The following ASTN2 variants were observed in gnomAD, a reference collection of about 807,000 sequenced individuals.
ASTN2 encodes the protein astrotactin-2.
In ASTN2, 54 loss-of-function variants were observed where a neutral mutation model predicts 139.8. The observed-to-expected ratio is 0.39, with a 90% CI of 0.31 to 0.48. The LOEUF (loss-of-function observed/expected upper bound fraction) is 0.48. Ranked by LOEUF, ASTN2 falls within the 20% of genes least tolerant of loss-of-function variation. ASTN2 has a pLI of 0.95. For missense variants in ASTN2, 1,565 were observed against 1,725.1 expected (o/e 0.91, Z 1.64); for synonymous variants, 756 against 719.5 (o/e 1.05, Z -0.81).
At chr9:116,687,372 G>A (rs1860302229) in intron 16 of ASTN2, 2 of 532,448 alleles carry the variant, frequency 3.8e-6, no homozygotes, top group South Asian at 8.1e-5. Flanking sequence ...TCGGAGCCGC[G>A]GGCGGTCAGG....
intron 16 of ASTN2, among the ~76,000 whole-genome samples, chr9:116,660,013 G>A (rs1237347620): frequency 6.6e-6 from 1 of 152,076 alleles, no homozygotes; most frequent in Non-Finnish European, 1.5e-5. Flanking sequence ...CTCTAGTTGG[G>A]GTGTGGGGTC....
intron 1 of ASTN2, among the ~76,000 whole-genome samples, chr9:117,361,137 G>C (rs1283778588): frequency 2.0e-5 from 3 of 152,176 alleles, no homozygotes; most frequent in East Asian, 1.9e-4. Flanking sequence ...GTTGCACCAA[G>C]TCAGGCTAGA....
chr9:116,938,036 A>G (rs1410061243), intron 10 of ASTN2, among the ~76,000 whole-genome samples: 1 of 152,220 alleles, frequency 6.6e-6, no homozygotes, highest in Non-Finnish European at 1.5e-5. Flanking sequence ...CAGATGAGGA[A>G]ACAAGCACGC....
intron 10 of ASTN2, among the ~76,000 whole-genome samples, chr9:116,881,615 C>T (rs1588379883): frequency 1.3e-5 from 2 of 152,220 alleles, no homozygotes; most frequent in African/African-American, 4.8e-5. Context: ...TGTAAATTCC[C>T]TTTTACTGCA....
Position 117,181,885 on chromosome 9 carries a change from G to A in ASTN2, c.1015+32473C>T, listed in dbSNP as rs140840037. On this transcript the variant is annotated intron_variant, in intron 3 of 22. Coordinates refer to ENST00000313400, the MANE Select transcript of ASTN2 (RefSeq NM_001365068.1). Reference sequence around the variant, plus strand: ...TTCCTGCTCACCTTAAGCAAGAGGCGTCCTCTCAGCAAGACTCGTTTGGGA... The same window carrying A: ...TTCCTGCTCACCTTAAGCAAGAGGCATCCTCTCAGCAAGACTCGTTTGGGA... Among the ~76,000 whole-genome samples, 38 of 152,046 alleles carry A rather than the reference G, an allele frequency of 2.5e-4. 1 individual carries two copies. The highest frequency in any genetic ancestry group is 6.5e-4 in the African/African-American group (27 of 41,452).
intron 5 of ASTN2, among the ~76,000 whole-genome samples, chr9:117,079,994 G>A (rs1828384127): frequency 1.6e-5 from 1 of 61,510 alleles, no homozygotes; most frequent in African/African-American, 7.3e-5. Flanking sequence ...AGAAAATCGT[G>A]GGTTGGTTAG....
At chr9:116,481,395 T>G (rs1849163158) in intron 20 of ASTN2, among the ~76,000 whole-genome samples, 1 of 151,836 alleles carries the variant, frequency 6.6e-6, no homozygotes, top group Non-Finnish European at 1.5e-5. Context: ...AAAATCAAAA[T>G]GAAACAAAAA....
chr9:117,146,071 G>T (rs566060974), intron 3 of ASTN2, among the ~76,000 whole-genome samples: 2 of 152,212 alleles, frequency 1.3e-5, no homozygotes, highest in South Asian at 2.1e-4. Flanking sequence ...CTTAGAGGGG[G>T]AAGTGCTTTG....
At chr9:117,387,008 C>T (rs1437739389) in intron 1 of ASTN2, among the ~76,000 whole-genome samples, 1 of 152,108 alleles carries the variant, frequency 6.6e-6, no homozygotes, top group African/African-American at 2.4e-5. Flanking sequence ...TGGGAAGGTC[C>T]CTTGACCTCT....
chr9:117,202,298 G>T (rs939507001), intron 3 of ASTN2, among the ~76,000 whole-genome samples: 4 of 152,054 alleles, frequency 2.6e-5, no homozygotes, highest in African/African-American at 7.2e-5. Flanking sequence ...CAACCAATTT[G>T]CCAGCCTGTG....
At chr9:116,820,574 C>T (rs1368626739) in intron 12 of ASTN2, 43 bp downstream of exon 12, 2 of 1,594,470 alleles carry the variant, frequency 1.3e-6, no homozygotes, top group African/African-American at 1.3e-5. Flanking sequence ...GCATCCCTCA[C>T]TTCTGTAAAT....
intron 5 of ASTN2, among the ~76,000 whole-genome samples, chr9:117,046,630 T>C (rs1838751909): frequency 6.6e-6 from 1 of 152,174 alleles, no homozygotes; most frequent in Non-Finnish European, 1.5e-5. Flanking sequence ...GCTGAAATCC[T>C]AACTTTCACA....
intron 1 of ASTN2, among the ~76,000 whole-genome samples, chr9:117,300,113 C>T (rs1382011102): frequency 6.6e-6 from 1 of 152,238 alleles, no homozygotes; most frequent in Admixed American, 6.5e-5. Flanking sequence ...CGACATACTT[C>T]ATCCATCAAT....
At chr9:116,813,294 A>G (rs569530531) in intron 12 of ASTN2, among the ~76,000 whole-genome samples, 2 of 152,218 alleles carry the variant, frequency 1.3e-5, no homozygotes, top group African/African-American at 2.4e-5. Context: ...ATGGGATTTT[A>G]GAGAGTGCAC....
At chr9:117,192,375 G>C (rs554277752) in intron 3 of ASTN2, among the ~76,000 whole-genome samples, 2 of 147,312 alleles carry the variant, frequency 1.4e-5, no homozygotes, top group East Asian at 4.0e-4. Context: ...CATTTGGTTT[G>C]TCAATCAGTG....
intron 6 of ASTN2, among the ~76,000 whole-genome samples, chr9:117,022,077 C>T (rs1015082020): frequency 3.0e-4 from 46 of 152,146 alleles, no homozygotes; most frequent in African/African-American, 1.1e-3. Flanking sequence ...TTCCTAATTG[C>T]CTGTTCCTGC....
intron 2 of ASTN2, among the ~76,000 whole-genome samples, chr9:117,241,777 A>T (rs988039701): frequency 2.0e-5 from 3 of 152,072 alleles, no homozygotes; most frequent in Admixed American, 1.3e-4. Flanking sequence ...TGGGGACTTG[A>T]GTAGGGTATC....
Position 117,414,686 on chromosome 9 carries a change from C to T in ASTN2, c.253G>A (p.Gly85Ser). The T allele has an allele frequency of 8.0e-7, 1 of 1,249,486 alleles. No individual in the cohort carries two copies. 77.4% of individuals were successfully genotyped at this position (1,249,486 alleles called of 1,614,324 possible). Residue 85 changes from glycine to serine, a missense_variant, in exon 1 of 23, where the codon GGC becomes AGC. Physicochemically the swap from Gly to Ser is moderately conservative, Grantham distance 56. Transcript: ENST00000313400. The surrounding 1 kb of genome is among the most constrained non-coding windows in gnomAD (Gnocchi z 4.2). ...CCAGCCCCGGCCCCGGCGCGGGCGC[C>T]GCTCCAGCCGATGTCGCTCTCCCGC... is the stretch of plus-strand genomic sequence containing the variant. ...ALRESDIGWS[G>S]ARAGAGAGTG...
At chr9:117,339,975 G>T (rs892850789) in intron 1 of ASTN2, among the ~76,000 whole-genome samples, 5 of 151,780 alleles carry the variant, frequency 3.3e-5, no homozygotes, top group African/African-American at 1.2e-4. Flanking sequence ...TGGGAACTGA[G>T]GCCTGTTGAG....
Sources: gnomAD v4.1 joint callset for allele counts (sites outside exome capture counted in the v4.1 genomes callset) on GRCh38, gnomAD v4.1.1 for gene constraint, Gnocchi (gnomAD v3.1) non-coding constraint, MANE v1.5 for transcripts, NCBI Gene and HGNC (gene_info 2026-07-23, HGNC 2026-07-21) for gene names.